Variants in MED12L observed in about 807,000 individuals in gnomAD.
MED12L encodes the protein mediator complex subunit 12L.
MED12L carries 60 observed loss-of-function variants against 281.3 expected under a neutral mutation model. That is an observed-to-expected ratio of 0.21 (90% CI 0.17 to 0.26). The LOEUF is 0.26. MED12L is among the 10% of genes least tolerant of loss of function. MED12L has a pLI of 1.00. For synonymous variants in MED12L, 974 were observed against 987.2 expected (o/e 0.99, Z 0.25); for missense variants, 2,146 against 2,680.9 (o/e 0.80, Z 4.41).
chr3:151,402,492 A>G (rs749698884), intron 39 of MED12L, among the ~76,000 whole-genome samples: 1 of 152,186 alleles, frequency 6.6e-6, no homozygotes, highest in Non-Finnish European at 1.5e-5. Context: ...CTTCAAGAAC[A>G]TATGGCCTGC....
chr3:151,107,946 T>C (rs1381035459), intron 2 of MED12L, among the ~76,000 whole-genome samples: 1 of 152,142 alleles, frequency 6.6e-6, no homozygotes. Context: ...GTTTAAGGCT[T>C]TGAATGCCAG....
At chr3:151,213,528 A>T (rs1187237690) in intron 16 of MED12L, 2 of 1,614,170 alleles carry the variant, frequency 1.2e-6, no homozygotes, top group Non-Finnish European at 1.7e-6. Flanking sequence ...AGCTGTAATG[A>T]GCTTCGGTCT....
At chr3:151,283,595 G>C (rs1743093737) in intron 16 of MED12L, among the ~76,000 whole-genome samples, 9 of 152,112 alleles carry the variant, frequency 5.9e-5, no homozygotes, top group Admixed American at 5.9e-4. Context: ...TTCTGATGTG[G>C]CCTGTGTTTC....
chr3:151,425,552 A>AT (rs1363537647), intron 43 of MED12L: 3 of 417,844 alleles, frequency 7.2e-6, no homozygotes, highest in Admixed American at 2.6e-5. Flanking sequence ...CAGTAAATAC[A>AT]TTTTTGTTTT....
chr3:151,310,999 G>A (rs1176472444), intron 16 of MED12L, among the ~76,000 whole-genome samples: 1 of 152,210 alleles, frequency 6.6e-6, no homozygotes, highest in Admixed American at 6.5e-5. Context: ...TTTGCTGAGA[G>A]CATCTTCCAG....
chr3:151,182,109 GTC>G (rs1445604394), intron 11 of MED12L, among the ~76,000 whole-genome samples: 1 of 152,130 alleles, frequency 6.6e-6, no homozygotes, highest in Non-Finnish European at 1.5e-5. Flanking sequence ...GAGAAAAAAT[GTC>G]TCTGCTTATT....
In MED12L at chr3:151,368,238, A is replaced by G; in HGVS notation, c.3537A>G (p.Leu1179=). The G allele has an allele frequency of 6.2e-7, 1 of 1,613,804 alleles. No homozygotes were observed. The highest frequency in any genetic ancestry group is 1.1e-5 in the South Asian group (1 of 91,068). ...HLFRAPQACF[L]PQATGKPFPG... is the part of the protein sequence containing the mutation. ...TCCGAGCTCCCCAGGCCTGCTTCTT[A>G]CCTCAAGCAACGGGTGAGCTGACTG... is the stretch of plus-strand genomic sequence containing the variant. Residue 1179 remains leucine (L), a synonymous_variant, in exon 25 of 45, where the codon TTA becomes TTG. Transcript: ENST00000687756.
At chr3:151,390,159 C>G (rs1357835169) in intron 38 of MED12L, 24 bp downstream of exon 38, 2 of 1,610,690 alleles carry the variant, frequency 1.2e-6, no homozygotes, top group South Asian at 1.1e-5. Context: ...AAGCACAGAT[C>G]ACTCAGAGAT....
At chr3:151,163,740 C>T (rs557009966) in intron 8 of MED12L, among the ~76,000 whole-genome samples, 153 bp from the exon 9 acceptor site, 1 of 152,232 alleles carries the variant, frequency 6.6e-6, no homozygotes, top group East Asian at 1.9e-4. Context: ...TTCTCAATTG[C>T]GAAGTTGAGA....
chr3:151,086,607 T>G (rs1390690303), intron 1 of MED12L, 191 bp from the exon 2 acceptor site: 4 of 217,258 alleles, frequency 1.8e-5, no homozygotes, highest in South Asian at 1.1e-4. Context: ...GGAGACAAGG[T>G]AGGGGGGAGC....
intron 12 of MED12L, among the ~76,000 whole-genome samples, chr3:151,186,477 C>T (rs1220162760): frequency 6.6e-6 from 1 of 152,220 alleles, no homozygotes; most frequent in Non-Finnish European, 1.5e-5. Flanking sequence ...TTGTGCCCTT[C>T]TCCCCAGGGT....
At chr3:151,329,542 A>C in intron 16 of MED12L, 3 of 1,539,124 alleles carry the variant, frequency 1.9e-6, no homozygotes, top group Non-Finnish European at 2.6e-6. Flanking sequence ...TTCAGCCTAC[A>C]AATGAGCATG....
chr3:151,234,046 C>G (rs1732248099), intron 16 of MED12L, among the ~76,000 whole-genome samples: 2 of 152,222 alleles, frequency 1.3e-5, no homozygotes, highest in Admixed American at 1.3e-4. Flanking sequence ...GATGAACATT[C>G]ACTCACTCTG....
chr3:151,247,782 A>T (rs1234161538), intron 16 of MED12L, among the ~76,000 whole-genome samples: 5 of 151,836 alleles, frequency 3.3e-5, no homozygotes, highest in African/African-American at 1.2e-4. Flanking sequence ...AGCAAAAAAA[A>T]AATGAATTAG....
Position 151,434,904 on chromosome 3 carries a change from T to G in MED12L, c.*2100T>G, listed in dbSNP as rs2108506748. The G allele has an allele frequency of 6.6e-6, 1 of 152,310 alleles. No individual in the cohort carries two copies. Among genetic ancestry groups the G allele is most frequent in the Non-Finnish European group, 1.5e-5 (1 of 68,018 alleles). The allele number at this position is 152,310 out of a possible 1,614,324, so 9.4% of individuals were successfully genotyped here. On this transcript the variant is annotated 3_prime_UTR_variant, in exon 45 of 45. Coordinates refer to ENST00000687756, the MANE Select transcript of MED12L (RefSeq NM_001393769.1). ...AGCTGTGGGGCATATCTTTTTTCTTTTTTTAGGTGAGGAAGTTATGCTACG... is the reference window on the plus strand; with the variant it reads ...AGCTGTGGGGCATATCTTTTTTCTTGTTTTAGGTGAGGAAGTTATGCTACG...
At chr3:151,288,170 C>T (rs985866282) in intron 16 of MED12L, among the ~76,000 whole-genome samples, 28 of 152,220 alleles carry the variant, frequency 1.8e-4, no homozygotes, top group Admixed American at 5.9e-4. Context: ...TCTTGTTGTC[C>T]CTATGTTCAG....
chr3:151,107,641 TAATAA>T (rs1416278936), intron 2 of MED12L, among the ~76,000 whole-genome samples: 2 of 152,122 alleles, frequency 1.3e-5, no homozygotes, highest in African/African-American at 4.8e-5. Context: ...GGATGGCATA[TAATAA>T]AATAGATTAA....
chr3:151,428,072 A>G (rs925068954), intron 43 of MED12L, among the ~76,000 whole-genome samples: 1 of 152,214 alleles, frequency 6.6e-6, no homozygotes, highest in Non-Finnish European at 1.5e-5. Flanking sequence ...GAAATGTAAT[A>G]TGCTTGATTA....
chr3:151,093,486 C>T (rs915690140), intron 2 of MED12L, among the ~76,000 whole-genome samples: 3 of 152,144 alleles, frequency 2.0e-5, no homozygotes, highest in Admixed American at 6.6e-5. Context: ...GAACTGGGCT[C>T]CCCCTTATTC....
Sources: allele counts gnomAD v4.1 joint callset (sites outside exome capture counted in the v4.1 genomes callset), GRCh38; gene constraint gnomAD v4.1.1; transcripts MANE v1.5; gene names NCBI Gene and HGNC (gene_info 2026-07-23, HGNC 2026-07-21).